RRAGD: variants seen among roughly 807,000 people sequenced by gnomAD.
RRAGD encodes the protein ras-related GTP-binding protein D.
Under a neutral mutation model 35.5 loss-of-function variants are expected in RRAGD, and 12 were observed. The ratio of observed to expected loss-of-function variants is 0.34; its 90% CI spans 0.22 to 0.55. RRAGD has a LOEUF of 0.55. RRAGD is among the 20% of genes least tolerant of loss of function. RRAGD has a pLI of 0.91. For synonymous variants in RRAGD, 155 were observed against 178.9 expected (o/e 0.87, Z 1.07); for missense variants, 324 against 490.1 (o/e 0.66, Z 3.20).
chr6:89,374,692 T>C (rs866935354), intron 5 of RRAGD, among the ~76,000 whole-genome samples: 1 of 151,530 alleles, frequency 6.6e-6, no homozygotes, highest in Non-Finnish European at 1.5e-5. Context: ...ATCATGCCAT[T>C]GCACTCCAGC....
chr6:89,385,838 G>A (rs948348568), intron 2 of RRAGD, among the ~76,000 whole-genome samples: 2 of 152,158 alleles, frequency 1.3e-5, no homozygotes, highest in African/African-American at 4.8e-5. Context: ...AGGCTTAGTT[G>A]AAAATTTTGT....
intron 5 of RRAGD, among the ~76,000 whole-genome samples, chr6:89,374,075 T>C (rs902292547): frequency 6.6e-6 from 1 of 152,218 alleles, no homozygotes; most frequent in Non-Finnish European, 1.5e-5. Flanking sequence ...ATTGGAATTG[T>C]GTTAAACCTT....
intron 1 of RRAGD, among the ~76,000 whole-genome samples, chr6:89,399,232 G>A (rs148140238): frequency 1.2e-4 from 18 of 152,178 alleles, no homozygotes; most frequent in Non-Finnish European, 2.5e-4. Flanking sequence ...CACTGTGAAG[G>A]GGGGAGGGAG....
At chr6:89,383,810 C>G (rs764767833) in intron 2 of RRAGD, among the ~76,000 whole-genome samples, 30 of 151,944 alleles carry the variant, frequency 2.0e-4, no homozygotes, top group Non-Finnish European at 3.8e-4. Context: ...GGAGTGAGAA[C>G]AAAATAGTAT....
chr6:89,384,757 T>A (rs962785226), intron 2 of RRAGD, among the ~76,000 whole-genome samples: 9 of 144,246 alleles, frequency 6.2e-5, no homozygotes, highest in African/African-American at 2.3e-4. Context: ...GGACTTGCAG[T>A]GAGCCAAGAT....
intron 1 of RRAGD, among the ~76,000 whole-genome samples, chr6:89,402,512 G>A (rs1769492030): frequency 6.6e-6 from 1 of 152,184 alleles, no homozygotes; most frequent in African/African-American, 2.4e-5. Context: ...ACTTGTGAGT[G>A]CAAATCTGTG....
At chr6:89,398,393 A>G (rs1236577217) in intron 1 of RRAGD, among the ~76,000 whole-genome samples, 2 of 152,228 alleles carry the variant, frequency 1.3e-5, no homozygotes, top group East Asian at 3.8e-4. Context: ...GGAAACCCTA[A>G]CAGTTATAGT....
chr6:89,366,149 T>C lies in RRAGD; in HGVS notation c.*1907A>G, dbSNP rs1357344908. On this transcript the variant is annotated 3_prime_UTR_variant, in exon 7 of 7. Transcript: ENST00000369415. Reference sequence around the variant, plus strand: ...TCAAACCTTAAACACCAACCAGATATCATCTTAAATTCAGTTACCAGCTTC... The same window carrying C: ...TCAAACCTTAAACACCAACCAGATACCATCTTAAATTCAGTTACCAGCTTC... 2 of 152,066 alleles carry C rather than the reference T, an allele frequency of 1.3e-5. No individual in the cohort carries two copies. Among genetic ancestry groups the C allele is most frequent in the African/African-American group, 4.8e-5 (2 of 41,372 alleles). 9.4% of individuals were successfully genotyped at this position (152,066 alleles called of 1,614,324 possible).
At chr6:89,410,738 G>A (rs1382060900) in intron 1 of RRAGD, among the ~76,000 whole-genome samples, 1 of 152,196 alleles carries the variant, frequency 6.6e-6, no homozygotes, top group Non-Finnish European at 1.5e-5. Context: ...GTAGAATAAT[G>A]AAACTACCCT....
At chr6:89,400,979 C>T (rs1010789046) in intron 1 of RRAGD, among the ~76,000 whole-genome samples, 1 of 152,280 alleles carries the variant, frequency 6.6e-6, no homozygotes, top group Non-Finnish European at 1.5e-5. Context: ...TGAGGCAGGG[C>T]TGCAGACACA....
chr6:89,407,022 T>C (rs963042825), intron 1 of RRAGD, among the ~76,000 whole-genome samples: 9 of 152,116 alleles, frequency 5.9e-5, no homozygotes, highest in African/African-American at 4.8e-5. Flanking sequence ...CCAATGTGCC[T>C]GCAAAAAGGG....
chr6:89,394,485 T>C (rs549914359), intron 1 of RRAGD, among the ~76,000 whole-genome samples: 117 of 152,308 alleles, frequency 7.7e-4, no homozygotes, highest in African/African-American at 2.7e-3. Context: ...ATATTATTTT[T>C]CAAATCTGAG....
At chr6:89,386,254 A>G (rs73752752) in intron 2 of RRAGD, among the ~76,000 whole-genome samples, 17,246 of 152,220 alleles carry the variant, frequency 0.11, 1,122 homozygotes, top group African/African-American at 0.16. Context: ...GAAAGCACCA[A>G]TGCCCCTATC....
chr6:89,412,020 G>A lies in RRAGD; in HGVS notation c.-27C>T, dbSNP rs1769713371. ...GTGCCCACCGGCCGGCCGGCCCGGG[G>A]ACGGCGGGGGTCCCGGGGTGGGGGC... On this transcript the variant is annotated 5_prime_UTR_variant, in exon 1 of 7. Transcript: ENST00000369415. The surrounding 1 kb of genome is among the most constrained non-coding windows in gnomAD (Gnocchi z 4.2). 2 of 1,520,198 alleles carry A rather than the reference G, an allele frequency of 1.3e-6. No individual in the cohort carries two copies. The highest frequency in any genetic ancestry group is 1.8e-6 in the Non-Finnish European group (2 of 1,138,948). The allele number at this position is 1,520,198 out of a possible 1,614,324, so 94.2% of individuals were successfully genotyped here. A position where few individuals can be genotyped will look rare whatever the true frequency, so the allele number is the denominator to read the frequency against.
chr6:89,371,474 G>A (rs1446270141), intron 6 of RRAGD, among the ~76,000 whole-genome samples: 1 of 152,120 alleles, frequency 6.6e-6, no homozygotes, highest in Non-Finnish European at 1.5e-5. Flanking sequence ...AAGTAACAGA[G>A]CGAGATCCTG....
chr6:89,394,449 T>C (rs1333581573), intron 1 of RRAGD, among the ~76,000 whole-genome samples: 2 of 151,946 alleles, frequency 1.3e-5, no homozygotes, highest in African/African-American at 4.8e-5. Context: ...GGAAAAAAAA[T>C]CTGTGAACTC....
chr6:89,369,247 G>A (rs566670657), intron 6 of RRAGD, among the ~76,000 whole-genome samples: 1 of 152,078 alleles, frequency 6.6e-6, no homozygotes, highest in East Asian at 1.9e-4. Context: ...ATTTCCTCAA[G>A]GAAAGACCAA....
At chr6:89,375,832 G>A (rs759245767) in intron 5 of RRAGD, among the ~76,000 whole-genome samples, 1 of 152,182 alleles carries the variant, frequency 6.6e-6, no homozygotes, top group African/African-American at 2.4e-5. Context: ...CCAATCTGAC[G>A]GCAAAGCCAG....
In RRAGD at chr6:89,387,575, T is replaced by A; in HGVS notation, c.164A>T (p.Asp55Val). Residue 55 changes from aspartate (D) to valine (V), a missense_variant, in exon 2 of 7, where the codon GAC (aspartate) becomes GTC (valine). Physicochemically the swap from Asp to Val is radical, Grantham distance 152. Coordinates refer to ENST00000369415, the MANE Select transcript of RRAGD (RefSeq NM_021244.5). ...GTEEGVLDFS[D>V]PFSTEVKPRI... ...CGGCTTCACTTCAGTGCTGAAGGGGTCACTGAAGTCCAGAACTGGAGAAAC... is the reference window on the plus strand; with the variant it reads ...CGGCTTCACTTCAGTGCTGAAGGGGACACTGAAGTCCAGAACTGGAGAAAC... 6.2e-7 allele frequency: 1 copy of A among 1,612,948 alleles called. No homozygotes were observed. The highest frequency in any genetic ancestry group is 8.5e-7 in the Non-Finnish European group (1 of 1,179,332).
Sources: gnomAD v4.1 joint callset for allele counts (sites outside exome capture counted in the v4.1 genomes callset) on GRCh38, gnomAD v4.1.1 for gene constraint, Gnocchi (gnomAD v3.1) non-coding constraint, MANE v1.5 for transcripts, NCBI Gene and HGNC (gene_info 2026-07-23, HGNC 2026-07-21) for gene names.